Variants in GPM6A observed in about 807,000 individuals in gnomAD.
GPM6A encodes the protein glycoprotein M6A.
In GPM6A, 7 loss-of-function variants were observed where a neutral mutation model predicts 32.1. The ratio of observed to expected loss-of-function variants is 0.22; its 90% CI spans 0.12 to 0.41. The LOEUF (loss-of-function observed/expected upper bound fraction) is 0.41, where lower values mean the gene tolerates loss of function less well. Ranked by LOEUF, GPM6A falls within the 10% of genes least tolerant of loss-of-function variation. The probability of loss-of-function intolerance (pLI) is 1.00; values close to 1 mark genes in which losing one functional copy is unlikely to be tolerated. For synonymous variants in GPM6A, 130 were observed against 123.4 expected (o/e 1.05, Z -0.35); for missense variants, 235 against 347.2 (o/e 0.68, Z 2.57).
At chr4:175,921,000 A>C (rs1738646881) in intron 1 of GPM6A, among the ~76,000 whole-genome samples, 1 of 152,198 alleles carries the variant, frequency 6.6e-6, no homozygotes, top group South Asian at 2.1e-4. Context: ...ACATAACTCC[A>C]ATAGTAGTAG....
intron 1 of GPM6A, among the ~76,000 whole-genome samples, chr4:175,722,760 TTGACCAGCCGTCG>T (rs756093816): frequency 3.3e-5 from 5 of 152,134 alleles, no homozygotes; most frequent in Admixed American, 6.6e-5. Context: ...AATTCTTTCT[TTGACCAGCCGTCG>T]TGGCTCATAC....
chr4:175,932,095 T>C (rs1238949256), intron 1 of GPM6A, among the ~76,000 whole-genome samples: 1 of 127,536 alleles, frequency 7.8e-6, no homozygotes, highest in African/African-American at 3.1e-5. Context: ...ATCTTGCCTC[T>C]AGGAAAAAAA....
At chr4:175,801,159 C>T (rs1454037500) in intron 1 of GPM6A, among the ~76,000 whole-genome samples, 1 of 152,058 alleles carries the variant, frequency 6.6e-6, no homozygotes, top group African/African-American at 2.4e-5. Flanking sequence ...GAAAATTAAG[C>T]AGTGAATTAA....
chr4:175,717,480 C>T (rs1003174523), intron 1 of GPM6A, among the ~76,000 whole-genome samples: 16 of 152,026 alleles, frequency 1.1e-4, no homozygotes, highest in South Asian at 2.1e-4. Flanking sequence ...CTCACAGTGA[C>T]GAGACTTCAC....
At chr4:175,834,034 C>G (rs1213128242) in intron 1 of GPM6A, among the ~76,000 whole-genome samples, 1 of 151,976 alleles carries the variant, frequency 6.6e-6, no homozygotes, top group Non-Finnish European at 1.5e-5. Flanking sequence ...GTGTAGCTAC[C>G]CTACTAGATA....
At chr4:175,949,073 A>G (rs1579655331) in intron 1 of GPM6A, among the ~76,000 whole-genome samples, 1 of 152,048 alleles carries the variant, frequency 6.6e-6, no homozygotes, top group African/African-American at 2.4e-5. Context: ...TGCAACTAAG[A>G]AATCAAAAAA....
intron 1 of GPM6A, among the ~76,000 whole-genome samples, chr4:175,802,746 G>A (rs146733810): frequency 7.2e-4 from 110 of 152,112 alleles, no homozygotes; most frequent in Non-Finnish European, 1.0e-3. Flanking sequence ...TTTTAACAGC[G>A]TATTATAAAA....
chr4:175,999,270 G>A (rs1741403687), intron 1 of GPM6A, among the ~76,000 whole-genome samples: 2 of 152,128 alleles, frequency 1.3e-5, no homozygotes. Flanking sequence ...CTTTCCAATG[G>A]GGCCTGAAAT....
intron 1 of GPM6A, among the ~76,000 whole-genome samples, chr4:175,984,437 A>C (rs1740912500): frequency 6.6e-6 from 1 of 152,150 alleles, no homozygotes; most frequent in Admixed American, 6.5e-5. Context: ...TGCTGGGATA[A>C]CAGGCATGAG....
At chr4:175,681,174 A>G (rs969663538) in intron 2 of GPM6A, among the ~76,000 whole-genome samples, 2 of 152,146 alleles carry the variant, frequency 1.3e-5, no homozygotes, top group African/African-American at 4.8e-5. Flanking sequence ...CGTATTGCCA[A>G]TTCCTCTCTA....
At chr4:175,934,682 C>T (rs1739163077) in intron 1 of GPM6A, among the ~76,000 whole-genome samples, 1 of 152,160 alleles carries the variant, frequency 6.6e-6, no homozygotes, top group Admixed American at 6.5e-5. Flanking sequence ...AATTAACTTT[C>T]TATAAATGCT....
chr4:175,831,997 G>T (rs1278284542), intron 1 of GPM6A, among the ~76,000 whole-genome samples: 1 of 151,942 alleles, frequency 6.6e-6, no homozygotes, highest in Non-Finnish European at 1.5e-5. Context: ...GGGCTGACAG[G>T]CGTGAGCCAC....
intron 1 of GPM6A, among the ~76,000 whole-genome samples, chr4:175,939,269 G>A (rs146716261): frequency 6.6e-6 from 1 of 152,262 alleles, no homozygotes; most frequent in East Asian, 1.9e-4. Flanking sequence ...GAGCCCTGAG[G>A]GGGTAAAACA....
intron 1 of GPM6A, among the ~76,000 whole-genome samples, chr4:175,965,928 G>A (rs1021610047): frequency 1.3e-5 from 2 of 151,828 alleles, no homozygotes; most frequent in Admixed American, 1.3e-4. Context: ...GTCTATTTCT[G>A]TTGAATCCAT....
intron 1 of GPM6A, among the ~76,000 whole-genome samples, chr4:175,799,794 C>A (rs1170534741): frequency 6.9e-6 from 1 of 145,162 alleles, no homozygotes; most frequent in Non-Finnish European, 1.5e-5. Context: ...CCTGCCTCAG[C>A]CTCCCCAGTA....
intron 1 of GPM6A, among the ~76,000 whole-genome samples, chr4:175,825,182 C>T (rs1424592071): frequency 1.3e-5 from 2 of 152,098 alleles, no homozygotes; most frequent in Non-Finnish European, 2.9e-5. Context: ...CCTTAAAAAA[C>T]AGAGTGAATG....
intron 1 of GPM6A, among the ~76,000 whole-genome samples, chr4:175,772,036 C>G (rs2643997): frequency 0.31 from 46,771 of 152,076 alleles, 7,469 homozygotes; most frequent in Admixed American, 0.34. Flanking sequence ...AGGAATTGCC[C>G]CTTCCATCAT....
intron 6 of GPM6A, 81 bp from the exon 7 acceptor site, chr4:175,635,138 G>A (rs1001733220): frequency 2.0e-5 from 20 of 987,298 alleles, no homozygotes; most frequent in African/African-American, 3.3e-5. Context: ...AGAAGTCTTC[G>A]AATTATAGCT....
chr4:175,798,482 T>C (rs1734325357), intron 1 of GPM6A, among the ~76,000 whole-genome samples: 2 of 152,196 alleles, frequency 1.3e-5, no homozygotes, highest in African/African-American at 2.4e-5. Flanking sequence ...AAAAGCTAGG[T>C]TACGGAATGA....
Sources: gnomAD v4.1 joint callset for allele counts (sites outside exome capture counted in the v4.1 genomes callset) on GRCh38, gnomAD v4.1.1 for gene constraint, MANE v1.5 for transcripts, NCBI Gene and HGNC (gene_info 2026-07-23, HGNC 2026-07-21) for gene names.